The following RABGAP1L variants were observed in gnomAD, a reference collection of about 807,000 sequenced individuals.
RABGAP1L encodes rab GTPase-activating protein 1-like.
In RABGAP1L, 63 loss-of-function variants were observed where a neutral mutation model predicts 137.7. The observed-to-expected ratio is 0.46, with a 90% confidence interval of 0.37 to 0.56. The LOEUF is 0.56. RABGAP1L is among the 20% of genes least tolerant of loss of function. RABGAP1L has a pLI of 0.00. For synonymous variants in RABGAP1L, 431 were observed against 433.7 expected (o/e 0.99, Z 0.08); for missense variants, 1,095 against 1,244.0 (o/e 0.88, Z 1.80).
At chr1:174,955,833 A>G (rs74476654) in intron 19 of RABGAP1L, among the ~76,000 whole-genome samples, 16,257 of 152,206 alleles carry the variant, frequency 0.11, 940 homozygotes, top group East Asian at 0.23. Context: ...TGTAATCCCA[A>G]TGCTTTGGGA....
intron 19 of RABGAP1L, among the ~76,000 whole-genome samples, chr1:174,818,998 C>T (rs994409053): frequency 2.0e-5 from 3 of 151,470 alleles, no homozygotes; most frequent in Non-Finnish European, 4.4e-5. Context: ...GCCTGGGTGA[C>T]AAGAGTGAGA....
At chr1:174,310,227 A>G (rs1357530317) in intron 11 of RABGAP1L, among the ~76,000 whole-genome samples, 1 of 152,038 alleles carries the variant, frequency 6.6e-6, no homozygotes, top group African/African-American at 2.4e-5. Flanking sequence ...GTTCAGGAGC[A>G]TATTGTTTAA....
intron 13 of RABGAP1L, among the ~76,000 whole-genome samples, chr1:174,619,814 TA>T (rs754216903): frequency 3.0e-4 from 46 of 152,278 alleles, no homozygotes; most frequent in Non-Finnish European, 5.0e-4. Flanking sequence ...GTAAATGGAA[TA>T]AATGCTCCAA....
At chr1:174,387,592 T>G (rs1336477186) in intron 12 of RABGAP1L, among the ~76,000 whole-genome samples, 1 of 151,920 alleles carries the variant, frequency 6.6e-6, no homozygotes, top group African/African-American at 2.4e-5. Flanking sequence ...GAACATTGAT[T>G]AACAGAGAAA....
chr1:174,535,813 A>C (rs1664845960), intron 13 of RABGAP1L, among the ~76,000 whole-genome samples: 1 of 152,222 alleles, frequency 6.6e-6, no homozygotes, highest in Non-Finnish European at 1.5e-5. Flanking sequence ...TTTTCATTAA[A>C]ATAGAAAACT....
At chr1:174,630,034 C>G (rs1673227044) in intron 13 of RABGAP1L, among the ~76,000 whole-genome samples, 1 of 151,054 alleles carries the variant, frequency 6.6e-6, no homozygotes, top group Non-Finnish European at 1.5e-5. Context: ...GTGGGTTTGT[C>G]ATAGATAGCT....
chr1:174,819,081 G>C (rs1277809546), intron 19 of RABGAP1L, among the ~76,000 whole-genome samples: 1 of 151,326 alleles, frequency 6.6e-6, no homozygotes, highest in African/African-American at 2.4e-5. Flanking sequence ...TACTTGATTG[G>C]CTGAAGTGGA....
intron 13 of RABGAP1L, among the ~76,000 whole-genome samples, chr1:174,495,861 C>G (rs4652494): frequency 0.35 from 53,611 of 151,852 alleles, 12,109 homozygotes; most frequent in African/African-American, 0.64. Flanking sequence ...GGATAAATTC[C>G]CAGGAGTAGA....
chr1:174,794,503 T>C (rs895892303), intron 18 of RABGAP1L, among the ~76,000 whole-genome samples: 1 of 152,232 alleles, frequency 6.6e-6, no homozygotes, highest in Admixed American at 6.5e-5. Context: ...TATTAAATTT[T>C]CAGAGCAGCT....
At chr1:174,238,485 T>C (rs12076839) in intron 4 of RABGAP1L, among the ~76,000 whole-genome samples, 2,480 of 152,048 alleles carry the variant, frequency 0.016, 54 homozygotes, top group African/African-American at 0.057. Flanking sequence ...TTCCTTCTAA[T>C]AGACAGGACC....
chr1:174,386,425 C>T (rs1014556519), intron 12 of RABGAP1L, among the ~76,000 whole-genome samples: 3 of 152,032 alleles, frequency 2.0e-5, no homozygotes, highest in Non-Finnish European at 4.4e-5. Context: ...AAGTAAATGA[C>T]AGAGCCAGTT....
At chr1:174,350,511 C>G (rs1683051152) in intron 11 of RABGAP1L, among the ~76,000 whole-genome samples, 2 of 138,994 alleles carry the variant, frequency 1.4e-5, no homozygotes. Context: ...GGCAGAGACG[C>G]TCCTCACTTC....
intron 13 of RABGAP1L, among the ~76,000 whole-genome samples, chr1:174,542,128 C>T (rs1215619735): frequency 2.0e-5 from 3 of 152,108 alleles, no homozygotes; most frequent in Non-Finnish European, 4.4e-5. Flanking sequence ...AGGGAGGATT[C>T]CCTCTTTTTC....
intron 1 of RABGAP1L, among the ~76,000 whole-genome samples, chr1:174,171,785 G>A (rs1231438405): frequency 1.3e-5 from 2 of 151,420 alleles, no homozygotes; most frequent in Admixed American, 6.6e-5. Context: ...GGCAGATCAC[G>A]AGGTCAGGAG....
chr1:174,617,532 A>C (rs1672001470), intron 13 of RABGAP1L, among the ~76,000 whole-genome samples: 1 of 152,156 alleles, frequency 6.6e-6, no homozygotes, highest in African/African-American at 2.4e-5. Context: ...ATTCTTTTGT[A>C]TTGATGTTGT....
chr1:174,882,848 CAG>C (rs1654466237), intron 19 of RABGAP1L, among the ~76,000 whole-genome samples: 1 of 151,240 alleles, frequency 6.6e-6, no homozygotes, highest in South Asian at 2.1e-4. Flanking sequence ...TTTTTGGAGA[CAG>C]AGTGTGGCTC....
At chr1:174,451,625 G>A (rs889738060) in intron 13 of RABGAP1L, among the ~76,000 whole-genome samples, 3 of 152,172 alleles carry the variant, frequency 2.0e-5, no homozygotes, top group Non-Finnish European at 4.4e-5. Context: ...GGTAGGCTGC[G>A]CTGCTTTCAT....
intron 13 of RABGAP1L, among the ~76,000 whole-genome samples, chr1:174,562,556 G>T (rs1038680481): frequency 2.0e-5 from 3 of 152,122 alleles, no homozygotes; most frequent in African/African-American, 7.2e-5. Context: ...ACATGCTCAC[G>T]TATGTTTATT....
chr1:174,805,754 G>A (rs561356760), intron 18 of RABGAP1L, among the ~76,000 whole-genome samples: 6 of 152,172 alleles, frequency 3.9e-5, no homozygotes, highest in East Asian at 1.9e-4. Flanking sequence ...CACTCTCCTC[G>A]GCTTCCCAAA....
Sources: allele counts gnomAD v4.1 joint callset (sites outside exome capture counted in the v4.1 genomes callset), GRCh38; gene constraint gnomAD v4.1.1; transcripts MANE v1.5; gene names NCBI Gene and HGNC (gene_info 2026-07-23, HGNC 2026-07-21).